The following B3GALT1 variants were observed in gnomAD, a reference collection of about 807,000 sequenced individuals.
The protein encoded by B3GALT1 is beta-1,3-galactosyltransferase 1.
A neutral mutation model predicts 23.2 loss-of-function variants in B3GALT1; 10 were observed. That is an observed-to-expected ratio of 0.43 (90% CI 0.27 to 0.73). The LOEUF is 0.73. Ranked by LOEUF, B3GALT1 falls within the 30% of genes least tolerant of loss-of-function variation. The probability of loss-of-function intolerance (pLI) is 0.21; values close to 1 mark genes in which losing one functional copy is unlikely to be tolerated. For synonymous variants in B3GALT1, 156 were observed against 141.5 expected (o/e 1.10, Z -0.73); for missense variants, 299 against 405.4 (o/e 0.74, Z 2.25).
chr2:167,596,211 C>T (rs986150295), intron 2 of B3GALT1, among the ~76,000 whole-genome samples: 1 of 152,192 alleles, frequency 6.6e-6, no homozygotes, highest in African/African-American at 2.4e-5. Context: ...ACAACCTAAG[C>T]TCAGAGAACG....
intron 3 of B3GALT1, among the ~76,000 whole-genome samples, chr2:167,672,512 A>C (rs913829895): frequency 1.3e-5 from 2 of 152,098 alleles, no homozygotes; most frequent in Admixed American, 6.6e-5. Context: ...TAACAATTGC[A>C]CTGATTTTTA....
chr2:167,327,318 C>T (rs1289794645), intron 1 of B3GALT1, among the ~76,000 whole-genome samples: 1 of 152,006 alleles, frequency 6.6e-6, no homozygotes, highest in Non-Finnish European at 1.5e-5. Context: ...ATAGAGATTG[C>T]ATTGACTCTA....
At chr2:167,789,367 T>C (rs781740369) in intron 3 of B3GALT1, among the ~76,000 whole-genome samples, 9 of 152,160 alleles carry the variant, frequency 5.9e-5, no homozygotes, top group Non-Finnish European at 1.3e-4. Flanking sequence ...ACTAATTATG[T>C]CATACTAGTA....
At chr2:167,801,465 C>A (rs534118699) in intron 3 of B3GALT1, among the ~76,000 whole-genome samples, 2 of 152,124 alleles carry the variant, frequency 1.3e-5, no homozygotes, top group Non-Finnish European at 2.9e-5. Flanking sequence ...CGTCAAAGAC[C>A]GGTCTCATTC....
intron 1 of B3GALT1, among the ~76,000 whole-genome samples, chr2:167,372,836 A>G (rs942503445): frequency 6.6e-6 from 1 of 152,116 alleles, no homozygotes; most frequent in African/African-American, 2.4e-5. Flanking sequence ...ACCTAAATAA[A>G]TGGTGTGATA....
intron 3 of B3GALT1, among the ~76,000 whole-genome samples, chr2:167,704,521 A>G (rs1360012534): frequency 6.6e-6 from 1 of 152,020 alleles, no homozygotes; most frequent in Non-Finnish European, 1.5e-5. Flanking sequence ...CCCACATATT[A>G]TTCTCTAGCC....
intron 1 of B3GALT1, among the ~76,000 whole-genome samples, chr2:167,368,155 G>T (rs1697622221): frequency 6.6e-6 from 1 of 152,126 alleles, no homozygotes; most frequent in Non-Finnish European, 1.5e-5. Flanking sequence ...TGAAAATTCT[G>T]GAAGCCATTA....
chr2:167,340,972 T>G lies in B3GALT1; in HGVS notation c.-511+47638T>G, dbSNP rs77841582. Among the ~76,000 whole-genome samples the G allele has an allele frequency of 1.7e-3, 252 of 152,230 alleles. 11 individuals carry two copies. In the East Asian group the frequency reaches 0.046, roughly 28 times the overall value. ...GGAAAAAGATGAAAAGATGGAAAAC[T>G]GCAACTCAAAACAACAAAATAAATA... is the stretch of plus-strand genomic sequence containing the variant. On this transcript the variant is annotated intron_variant, in intron 1 of 4. Coordinates refer to ENST00000392690, the MANE Select transcript of B3GALT1 (RefSeq NM_020981.4).
intron 2 of B3GALT1, among the ~76,000 whole-genome samples, chr2:167,579,430 G>GTTTTTTTTTTTTTTTTTTTTTTTTTTTTT (rs1553469287): frequency 1.6e-5 from 1 of 63,624 alleles, no homozygotes; most frequent in Non-Finnish European, 2.5e-5. Flanking sequence ...GTTTTTTTTT[G>GTTTTTTTTTTTTTTTTTTTTTTTTTTTTT]TCTTTTTTTT....
intron 2 of B3GALT1, among the ~76,000 whole-genome samples, chr2:167,552,618 G>A (rs1683769697): frequency 6.6e-6 from 1 of 151,746 alleles, no homozygotes; most frequent in South Asian, 2.1e-4. Context: ...TTTCTTACTG[G>A]GACCAATAAT....
intron 1 of B3GALT1, among the ~76,000 whole-genome samples, chr2:167,425,947 C>CT (rs1238459677): frequency 6.6e-6 from 1 of 152,114 alleles, no homozygotes; most frequent in African/African-American, 2.4e-5. Context: ...TTTTTTGCTG[C>CT]TTTAAAGCAC....
intron 3 of B3GALT1, among the ~76,000 whole-genome samples, chr2:167,647,195 C>A (rs1309978300): frequency 6.6e-6 from 1 of 152,210 alleles, no homozygotes; most frequent in Admixed American, 6.5e-5. Context: ...ACACAGCTTA[C>A]ACAATGAGGC....
At chr2:167,494,054 A>G (rs541999399) in intron 2 of B3GALT1, among the ~76,000 whole-genome samples, 2 of 152,246 alleles carry the variant, frequency 1.3e-5, no homozygotes, top group East Asian at 1.9e-4. Flanking sequence ...AAACCAAGAG[A>G]GTATGCCAAC....
intron 1 of B3GALT1, among the ~76,000 whole-genome samples, chr2:167,447,182 C>T (rs1366834753): frequency 1.3e-5 from 2 of 152,152 alleles, no homozygotes; most frequent in African/African-American, 4.8e-5. Flanking sequence ...CAGCTAATAT[C>T]GCAGAACAGC....
At chr2:167,629,072 G>T (rs1685394156) in intron 2 of B3GALT1, among the ~76,000 whole-genome samples, 1 of 151,654 alleles carries the variant, frequency 6.6e-6, no homozygotes, top group Admixed American at 6.6e-5. Flanking sequence ...GAGTTATATT[G>T]TATAGCCAAC....
chr2:167,574,150 A>G lies in B3GALT1; in HGVS notation c.-409-72759A>G, dbSNP rs75024840. Among the ~76,000 whole-genome samples the G allele has an allele frequency of 4.2e-3, 640 of 151,880 alleles. 4 individuals are homozygous for G. Among genetic ancestry groups the G allele is most frequent in the African/African-American group, 0.015 (606 of 41,526 alleles). On this transcript the variant is annotated intron_variant, in intron 2 of 4. Coordinates refer to ENST00000392690, the MANE Select transcript of B3GALT1 (RefSeq NM_020981.4). Reference sequence around the variant, plus strand: ...TAAATTTCAAATTCAGTACCATAAAATACAAGCTTTGCACTTAGTACTATA... The same window carrying G: ...TAAATTTCAAATTCAGTACCATAAAGTACAAGCTTTGCACTTAGTACTATA...
At chr2:167,789,129 TATTTA>T (rs1688392630) in intron 3 of B3GALT1, among the ~76,000 whole-genome samples, 1 of 152,226 alleles carries the variant, frequency 6.6e-6, no homozygotes, top group Non-Finnish European at 1.5e-5. Context: ...TCACATAACT[TATTTA>T]ATTCTTACTT....
chr2:167,673,981 A>G (rs1686380416), intron 3 of B3GALT1, among the ~76,000 whole-genome samples: 1 of 152,068 alleles, frequency 6.6e-6, no homozygotes, highest in Non-Finnish European at 1.5e-5. Flanking sequence ...GAAGTTATAT[A>G]TTTACTGGTT....
rs571536037 is a variant in B3GALT1 at position 167,748,170 on chromosome 2, T to G, written c.-351-70502T>G. 5.5e-4 allele frequency among the ~76,000 whole-genome samples: 83 copies of G among 152,240 alleles called. 2 individuals carry two copies. In the South Asian group the frequency reaches 0.017, roughly 31 times the overall value. On this transcript the variant is annotated intron_variant, in intron 3 of 4. Coordinates refer to ENST00000392690, the MANE Select transcript of B3GALT1 (RefSeq NM_020981.4). ...ATACGAGCTCTCTGGAAAGCACAGA[T>G]GAAGCACAATGTGATATGTGGGGAG...
Sources: gnomAD v4.1 joint callset for allele counts (sites outside exome capture counted in the v4.1 genomes callset) on GRCh38, gnomAD v4.1.1 for gene constraint, MANE v1.5 for transcripts, NCBI Gene and HGNC (gene_info 2026-07-23, HGNC 2026-07-21) for gene names.